Variants in INKA2 observed in about 807,000 individuals in gnomAD.
INKA2 encodes PAK4-inhibitor INKA2.
INKA2 carries 3 observed loss-of-function variants against 9.8 expected under a neutral mutation model. That is an observed-to-expected ratio of 0.31 (90% CI 0.14 to 0.79). The LOEUF is 0.79. Among genes scored for constraint, INKA2 ranks in the 30% least tolerant of loss-of-function variants. The pLI is 0.62. For synonymous variants in INKA2, 147 were observed against 143.3 expected (o/e 1.03, Z -0.18); for missense variants, 392 against 384.4 (o/e 1.02, Z -0.17).
At chr1:111,752,862 T>A (rs1182186519) in intron 1 of INKA2, among the ~76,000 whole-genome samples, 4 of 151,978 alleles carry the variant, frequency 2.6e-5, no homozygotes, top group African/African-American at 9.7e-5. Flanking sequence ...CCCGGCTAAC[T>A]TTTTGTATTT....
At chr1:111,755,596 C>T (rs370244042) in intron 1 of INKA2, 125 of 1,357,944 alleles carry the variant, frequency 9.2e-5, no homozygotes, top group African/African-American at 8.5e-4. Flanking sequence ...GCGGTGGCGC[C>T]GGGGGCACGG....
At chr1:111,742,001 C>A (rs1447254261), upstream of INKA2, among the ~76,000 whole-genome samples, 1 of 152,138 alleles carries the variant, frequency 6.6e-6, no homozygotes, top group African/African-American at 2.4e-5. Context: ...CAGGCATGAG[C>A]CACCGTGCCT....
chr1:111,755,792 G>A (rs1663529686), exon 1 of INKA2: 6 of 1,608,652 alleles, frequency 3.7e-6, no homozygotes, highest in East Asian at 2.2e-5. Flanking sequence ...TCCGACTCCC[G>A]TCCCTTTCTT....
chr1:111,728,050 C>CAA (rs1662830406), intron 1 of INKA2, among the ~76,000 whole-genome samples: 1 of 148,412 alleles, frequency 6.7e-6, no homozygotes. Flanking sequence ...CACACACACA[C>CAA]ACACACACAC....
chr1:111,727,800 G>A lies in INKA2; in HGVS notation c.62C>T (p.Ser21Phe). Residue 21 changes from serine (S) to phenylalanine (F), a missense_variant, in exon 2 of 2, where the codon TCC becomes TTC. Ser to Phe is a radical substitution (Grantham distance 155). Transcript: ENST00000357260. ...TAAGCCATCACCCACCTCCTTCATG[G>A]ACATCTGCAGGGGAGAGAGAAAGCA... ...YLRRLKQELM[S>F]MKEVGDGLQD... 1 of 1,604,040 alleles carries A rather than the reference G, an allele frequency of 6.2e-7. No individual in the cohort carries two copies. The highest frequency in any genetic ancestry group is 8.5e-7 in the Non-Finnish European group (1 of 1,179,916).
At chr1:111,750,348 T>C (rs1663378458) in intron 1 of INKA2, among the ~76,000 whole-genome samples, 1 of 152,182 alleles carries the variant, frequency 6.6e-6, no homozygotes. Context: ...AAAATGGGTA[T>C]TTTCCACGTT....
intron 1 of INKA2, among the ~76,000 whole-genome samples, chr1:111,728,072 C>CAG (rs1491505454): frequency 3.3e-5 from 5 of 151,442 alleles, no homozygotes; most frequent in African/African-American, 9.7e-5. Flanking sequence ...CACACACACA[C>CAG]AGACATTTCA....
chr1:111,749,445 TGC>T (rs71708729), intron 1 of INKA2, among the ~76,000 whole-genome samples: 6,360 of 113,770 alleles, frequency 0.056, 377 homozygotes, highest in African/African-American at 0.17. Context: ...TGTGTGTGTG[TGC>T]GCGCGCGCGC....
In INKA2 at chr1:111,723,361, G is replaced by A; in HGVS notation, c.*3607C>T. 2.2e-6 allele frequency: 1 copy of A among 455,052 alleles called. No homozygotes were observed. The highest frequency in any genetic ancestry group is 3.9e-6 in the Non-Finnish European group (1 of 258,574). The allele number at this position is 455,052 out of a possible 1,614,324, so 28.2% of individuals were successfully genotyped here. ...GCACAAGGGAAGTGTCTGAGGGAGA[G>A]GGAAAAGAGAGGTCCCAAGTCTGAA... On this transcript the variant is annotated 3_prime_UTR_variant, in exon 2 of 2. Transcript: ENST00000357260.
intron 1 of INKA2, among the ~76,000 whole-genome samples, chr1:111,728,070 C>G (rs12122417): frequency 1.3e-5 from 2 of 148,164 alleles, no homozygotes; most frequent in Admixed American, 6.7e-5. Flanking sequence ...CACACACACA[C>G]ACAGACATTT....
chr1:111,750,948 A>G (rs139493497), intron 1 of INKA2, among the ~76,000 whole-genome samples: 1 of 151,994 alleles, frequency 6.6e-6, no homozygotes, highest in African/African-American at 2.4e-5. Flanking sequence ...TCCCTAAACA[A>G]CTATGGCTTT....
intron 1 of INKA2, among the ~76,000 whole-genome samples, chr1:111,729,496 T>C (rs1662858845): frequency 6.6e-6 from 1 of 152,212 alleles, no homozygotes; most frequent in African/African-American, 2.4e-5. Flanking sequence ...GGTGAGGGCC[T>C]AATTTGGAGG....
rs190072546 is a variant in INKA2, at chr1:111,723,412, G to A, written c.*3556C>T. On this transcript the variant is annotated 3_prime_UTR_variant, in exon 2 of 2. Transcript: ENST00000357260. The stretch of plus-strand genomic sequence containing the variant: ...AGGTTGGGAAGAGAAAGGGAGGAGG[G>A]AGACCAGGCCGGCCCCACTAGCATG... 89 of 366,264 alleles carry A rather than the reference G, an allele frequency of 2.4e-4. No homozygotes were observed. Among genetic ancestry groups the A allele is most frequent in the Non-Finnish European group, 1.2e-4 (25 of 213,960 alleles). The allele number at this position is 366,264 out of a possible 1,614,324, so 22.7% of individuals were successfully genotyped here.
chr1:111,755,661 G>A (rs1286080736), intron 1 of INKA2: 1 of 1,611,624 alleles, frequency 6.2e-7, no homozygotes, highest in African/African-American at 1.3e-5. Flanking sequence ...CCCCACCGCA[G>A]GCCCGCGGCG....
chr1:111,739,451 G>A, upstream of INKA2: 1 of 1,427,268 alleles, frequency 7.0e-7, no homozygotes, highest in Non-Finnish European at 9.2e-7. Flanking sequence ...GGAAAAGTGG[G>A]ACAGCCAATG....
chr1:111,750,782 C>A (rs1165929570), intron 1 of INKA2, among the ~76,000 whole-genome samples: 1 of 152,186 alleles, frequency 6.6e-6, no homozygotes, highest in African/African-American at 2.4e-5. Context: ...GTTACATTTC[C>A]AGCTGTATTT....
chr1:111,727,718 C>T lies in INKA2; in HGVS notation c.144G>A (p.Val48=). ...TCTCCAGCTGTTCCAGTGCTGTCTG[C>T]ACCTGGAGGAGCTTCAGTTCTTGCA... ...GALQELKLLQ[V]QTALEQLEIS... is the part of the protein sequence containing the mutation. Residue 48 remains valine (V), a synonymous_variant, in exon 2 of 2, where the codon GTG becomes GTA. Coordinates refer to ENST00000357260, the MANE Select transcript of INKA2 (RefSeq NM_019099.5). The T allele has an allele frequency of 6.2e-7, 1 of 1,613,934 alleles. No individual in the cohort carries two copies. Among genetic ancestry groups the T allele is most frequent in the Non-Finnish European group, 8.5e-7 (1 of 1,179,946 alleles).
At chr1:111,732,169 C>G (rs1421964646) in intron 1 of INKA2, among the ~76,000 whole-genome samples, 3 of 152,128 alleles carry the variant, frequency 2.0e-5, no homozygotes, top group Non-Finnish European at 4.4e-5. Context: ...CCAGACTGAC[C>G]CCAGGGGATG....
In INKA2 at chr1:111,727,430, C is replaced by T. The variant is rs757501750; in HGVS notation, c.432G>A (p.Thr144=). The change falls in exon 2 of 2, where the codon ACG becomes ACA. Residue 144 remains threonine, a synonymous_variant. Coordinates refer to ENST00000357260, the MANE Select transcript of INKA2 (RefSeq NM_019099.5). ...GTCGATTCCGGCCCCGGGACATCAA[C>T]GTGGAGGTCCAGTCATCCGGTTCCA... The part of the protein sequence containing the change: ...ERVEPDDWTS[T]LMSRGRNRQP... The T allele has an allele frequency of 3.1e-5, 50 of 1,614,050 alleles. No individual in the cohort carries two copies. Among genetic ancestry groups the T allele is most frequent in the Middle Eastern group, 3.3e-4 (2 of 6,084 alleles).
Sources: allele counts gnomAD v4.1 joint callset (sites outside exome capture counted in the v4.1 genomes callset), GRCh38; gene constraint gnomAD v4.1.1; transcripts MANE v1.5; gene names NCBI Gene and HGNC (gene_info 2026-07-23, HGNC 2026-07-21).